Variants in LPP observed in about 807,000 individuals in gnomAD.
The protein encoded by LPP is lipoma-preferred partner.
Under a neutral mutation model 60.4 loss-of-function variants are expected in LPP, and 38 were observed. The ratio of observed to expected loss-of-function variants is 0.63; its 90% CI spans 0.49 to 0.83. The LOEUF (loss-of-function observed/expected upper bound fraction) is 0.83. Among genes scored for constraint, LPP ranks in the 40% least tolerant of loss-of-function variants. The pLI is 0.00. For synonymous variants in LPP, 328 were observed against 290.8 expected (o/e 1.13, Z -1.30); for missense variants, 902 against 783.6 (o/e 1.15, Z -1.80).
rs549135648 is a variant in LPP, at chr3:188,407,015, G to C, written c.193+702G>C. Among the ~76,000 whole-genome samples, 21 of 151,696 alleles carry C rather than the reference G, an allele frequency of 1.4e-4. 1 individual carries two copies. The South Asian group carries it at 3.8e-3, about 27-fold the overall frequency. ...TGGTACCATACTCTTTGGTTGAAAA[G>C]GTTCCATATTTTTACCAGTGAATGT... On this transcript the variant is annotated intron_variant, in intron 4 of 11. Transcript: ENST00000617246.
chr3:188,760,442 G>GCGCA (rs1731921644), intron 9 of LPP, among the ~76,000 whole-genome samples, 160 bp downstream of exon 9: 2 of 151,606 alleles, frequency 1.3e-5, no homozygotes, highest in Admixed American at 6.6e-5. Flanking sequence ...GTGTGCGTGC[G>GCGCA]CGCATGTAAA....
chr3:188,243,587 A>T (rs1725765157), intron 2 of LPP, among the ~76,000 whole-genome samples: 1 of 152,152 alleles, frequency 6.6e-6, no homozygotes, highest in Non-Finnish European at 1.5e-5. Context: ...TACACAGGCT[A>T]ATTGATGTTA....
At chr3:188,800,617 A>G (rs1746917627) in intron 9 of LPP, among the ~76,000 whole-genome samples, 1 of 152,144 alleles carries the variant, frequency 6.6e-6, no homozygotes, top group South Asian at 2.1e-4. Context: ...CCATTTTGAT[A>G]CCTACTGAAA....
chr3:188,426,577 G>A (rs916568662), intron 4 of LPP, among the ~76,000 whole-genome samples: 6 of 152,232 alleles, frequency 3.9e-5, no homozygotes, highest in Admixed American at 3.9e-4. Context: ...CTATTATTAT[G>A]TAGGAGTCTT....
At chr3:188,563,838 T>C (rs578008270) in intron 6 of LPP, among the ~76,000 whole-genome samples, 2 of 151,802 alleles carry the variant, frequency 1.3e-5, no homozygotes, top group South Asian at 4.2e-4. Flanking sequence ...ACTTAGTTGC[T>C]TGGGGATGTG....
At chr3:188,577,744 T>TGTTCCTTC (rs71169008) in intron 6 of LPP, among the ~76,000 whole-genome samples, 2 of 41,428 alleles carry the variant, frequency 4.8e-5, no homozygotes, top group African/African-American at 1.1e-4. Context: ...TTCCTTCCTT[T>TGTTCCTTC]GTTCCTTCGT....
chr3:188,333,843 A>T (rs769848454), intron 2 of LPP, among the ~76,000 whole-genome samples: 2 of 152,220 alleles, frequency 1.3e-5, no homozygotes, highest in Non-Finnish European at 2.9e-5. Flanking sequence ...TAGCATATTC[A>T]TCACCTCAAA....
intron 7 of LPP, among the ~76,000 whole-genome samples, chr3:188,644,820 G>C (rs148657388): frequency 1.3e-5 from 2 of 152,168 alleles, no homozygotes; most frequent in East Asian, 3.8e-4. Flanking sequence ...TTTGTTGGTC[G>C]TATCTATTAC....
At chr3:188,298,525 A>G (rs1228578001) in intron 2 of LPP, among the ~76,000 whole-genome samples, 1 of 152,088 alleles carries the variant, frequency 6.6e-6, no homozygotes, top group Non-Finnish European at 1.5e-5. Flanking sequence ...ATCTCCCTAA[A>G]TGTTTGGGTC....
chr3:188,384,064 C>T (rs1777565474), intron 3 of LPP, among the ~76,000 whole-genome samples: 1 of 152,112 alleles, frequency 6.6e-6, no homozygotes, highest in Admixed American at 6.5e-5. Context: ...ATAGGATACC[C>T]AACATATTGA....
At chr3:188,427,864 C>A (rs1789831961) in intron 4 of LPP, among the ~76,000 whole-genome samples, 1 of 152,042 alleles carries the variant, frequency 6.6e-6, no homozygotes, top group African/African-American at 2.4e-5. Flanking sequence ...GGGGTGGGGT[C>A]CACTGAGTTA....
At chr3:188,658,122 A>AT (rs66658012) in intron 7 of LPP, among the ~76,000 whole-genome samples, 1 of 4,204 alleles carries the variant, frequency 2.4e-4, no homozygotes, top group African/African-American at 3.8e-4. Context: ...TTCTGAAGTT[A>AT]TTAGTTTAGT....
rs1231028158 is a variant in LPP, at chr3:188,253,958, C to G, written c.-67+28431C>G. On this transcript the variant is annotated intron_variant, in intron 2 of 11. Coordinates refer to ENST00000617246, the MANE Select transcript of LPP (RefSeq NM_001375462.1). ...TGCCCATGTTTCACTGCTTGTAGGT[C>G]AAAGCTGTATTGAGTAAGAAGTGAA... 3.9e-5 allele frequency among the ~76,000 whole-genome samples: 6 copies of G among 152,146 alleles called. No individual in the cohort carries two copies. The East Asian group carries it at 1.2e-3, about 29-fold the overall frequency.
chr3:188,566,990 G>A (rs946395736), intron 6 of LPP, among the ~76,000 whole-genome samples: 1 of 151,870 alleles, frequency 6.6e-6, no homozygotes, highest in African/African-American at 2.4e-5. Flanking sequence ...TAAATGCAAA[G>A]AGGATGCAAA....
chr3:188,194,393 T>C (rs1035174868), intron 1 of LPP, among the ~76,000 whole-genome samples: 1 of 152,212 alleles, frequency 6.6e-6, no homozygotes, highest in African/African-American at 2.4e-5. Context: ...AGAAATGTTT[T>C]CATTATTAGG....
intron 1 of LPP, among the ~76,000 whole-genome samples, chr3:188,202,936 G>A (rs774349542): frequency 1.1e-4 from 16 of 151,872 alleles, no homozygotes; most frequent in African/African-American, 1.9e-4. Context: ...CCAGTGTCAC[G>A]TGGGGAGCTG....
At chr3:188,507,141 T>C (rs1813746615) in intron 5 of LPP, among the ~76,000 whole-genome samples, 1 of 152,144 alleles carries the variant, frequency 6.6e-6, no homozygotes, top group African/African-American at 2.4e-5. Flanking sequence ...GCTACTTGAT[T>C]GATATTTGTG....
chr3:188,639,714 A>G (rs1183816799), intron 7 of LPP, among the ~76,000 whole-genome samples: 1 of 152,122 alleles, frequency 6.6e-6, no homozygotes, highest in Non-Finnish European at 1.5e-5. Flanking sequence ...AAGGACATGA[A>G]CAGACACTTC....
intron 9 of LPP, among the ~76,000 whole-genome samples, chr3:188,833,146 A>G (rs547802255): frequency 2.6e-4 from 39 of 152,274 alleles, no homozygotes; most frequent in Non-Finnish European, 4.9e-4. Context: ...TTATTAAAAT[A>G]ATAGTCATTT....
Sources: allele counts gnomAD v4.1 joint callset (sites outside exome capture counted in the v4.1 genomes callset), GRCh38; gene constraint gnomAD v4.1.1; transcripts MANE v1.5; gene names NCBI Gene and HGNC (gene_info 2026-07-23, HGNC 2026-07-21).